The following OR2L13 variants were observed in gnomAD, a reference collection of about 807,000 sequenced individuals.
OR2L13 encodes olfactory receptor family 2 subfamily L member 13.
OR2L13 carries 14 observed loss-of-function variants against 15.3 expected under a neutral mutation model. That is an observed-to-expected ratio of 0.91 (90% CI 0.60 to 1.43). OR2L13 has a LOEUF of 1.43. OR2L13 is among the 40% of genes most tolerant of loss of function. The pLI is 0.00. For synonymous variants in OR2L13, 152 were observed against 142.9 expected (o/e 1.06, Z -0.45); for missense variants, 367 against 387.9 (o/e 0.95, Z 0.45).
the OR2L13 span, among the ~76,000 whole-genome samples, chr1:248,077,813 T>C: frequency 6.6e-6 from 1 of 152,118 alleles, no homozygotes; most frequent in Non-Finnish European, 1.5e-5. Flanking sequence ...TATTTATTAG[T>C]ACATAAAAAC....
chr1:248,098,912 T>C (rs1049273966), intron 2 of OR2L13, 137 bp downstream of exon 2: 1 of 153,878 alleles, frequency 6.5e-6, no homozygotes, highest in African/African-American at 2.4e-5. Flanking sequence ...TAAATAAAAA[T>C]TCCCAAGGAA....
At chr1:248,056,257 G>A in the OR2L13 span, among the ~76,000 whole-genome samples, 1 of 151,800 alleles carries the variant, frequency 6.6e-6, no homozygotes, top group African/African-American at 2.4e-5. Flanking sequence ...GTGCCATGTT[G>A]GTCTTGATAG....
At chr1:248,008,900 A>G in the OR2L13 span, among the ~76,000 whole-genome samples, 1 of 152,174 alleles carries the variant, frequency 6.6e-6, no homozygotes, top group Non-Finnish European at 1.5e-5. Context: ...AAACCACACA[A>G]CTACATGGAA....
chr1:248,067,800 C>T, the OR2L13 span, among the ~76,000 whole-genome samples: 5 of 152,214 alleles, frequency 3.3e-5, no homozygotes, highest in South Asian at 2.1e-4. Flanking sequence ...CCGAATACTG[C>T]GCTTTTCCGA....
At chr1:247,976,351 A>G in the OR2L13 span, among the ~76,000 whole-genome samples, 1 of 152,196 alleles carries the variant, frequency 6.6e-6, no homozygotes, top group Non-Finnish European at 1.5e-5. Context: ...CTCATAAATC[A>G]ACACATCTAT....
chr1:248,022,139 G>T, the OR2L13 span: 1 of 1,613,892 alleles, frequency 6.2e-7, no homozygotes, highest in Non-Finnish European at 8.5e-7. Flanking sequence ...TGCTTAGTCA[G>T]CTCTCCCTCA....
At chr1:248,004,189 A>C in the OR2L13 span, 1 of 785,862 alleles carries the variant, frequency 1.3e-6, no homozygotes, top group Non-Finnish European at 1.9e-6. Flanking sequence ...AGAAGAAAAA[A>C]AAATCACTGA....
At chr1:248,085,410 A>AAAT in the OR2L13 span, among the ~76,000 whole-genome samples, 159 of 92,310 alleles carry the variant, frequency 1.7e-3, no homozygotes, top group African/African-American at 6.8e-3. Flanking sequence ...TAATAAAATA[A>AAAT]AATAAAATAA....
At chr1:247,968,875 G>A in the OR2L13 span, among the ~76,000 whole-genome samples, 138 of 152,244 alleles carry the variant, frequency 9.1e-4, no homozygotes, top group African/African-American at 3.2e-3. Context: ...TGGGATGGCT[G>A]GGTCAGATGG....
At chr1:247,983,356 T>C in the OR2L13 span, among the ~76,000 whole-genome samples, 1 of 152,210 alleles carries the variant, frequency 6.6e-6, no homozygotes, top group East Asian at 1.9e-4. Flanking sequence ...TTGGTTTTCC[T>C]ACTCACTATG....
At chr1:248,067,969 G>C in the OR2L13 span, among the ~76,000 whole-genome samples, 1 of 152,370 alleles carries the variant, frequency 6.6e-6, no homozygotes, top group African/African-American at 2.4e-5. Flanking sequence ...GCCCAGGCTT[G>C]CTTAGGTAAA....
chr1:248,046,648 A>G, the OR2L13 span, among the ~76,000 whole-genome samples: 1 of 152,188 alleles, frequency 6.6e-6, no homozygotes, highest in South Asian at 2.1e-4. Flanking sequence ...CTCACTGGAC[A>G]ATCCCCAGTG....
the OR2L13 span, among the ~76,000 whole-genome samples, chr1:248,067,627 G>A: frequency 0.041 from 6,268 of 152,288 alleles, 429 homozygotes; most frequent in African/African-American, 0.14. Context: ...TCACTAGGGA[G>A]TGCCAGACAG....
chr1:247,945,389 T>C, the OR2L13 span, among the ~76,000 whole-genome samples: 1 of 152,116 alleles, frequency 6.6e-6, no homozygotes, highest in African/African-American at 2.4e-5. Flanking sequence ...TATGGTTTCA[T>C]TTATTTTGTA....
chr1:247,948,703 T>C, the OR2L13 span, among the ~76,000 whole-genome samples: 1 of 152,332 alleles, frequency 6.6e-6, no homozygotes, highest in Non-Finnish European at 1.5e-5. Flanking sequence ...GAAGTATGTA[T>C]AGACAAAAAT....
the OR2L13 span, chr1:248,023,141 G>T: frequency 3.3e-6 from 1 of 299,364 alleles, no homozygotes; most frequent in Non-Finnish European, 6.2e-6. Flanking sequence ...TCATTATCAT[G>T]TATAAATCAA....
chr1:248,074,382 G>T, the OR2L13 span, among the ~76,000 whole-genome samples: 3 of 138,164 alleles, frequency 2.2e-5, no homozygotes, highest in Non-Finnish European at 3.0e-5. Context: ...GGTAAAATGT[G>T]TTAAAAAAAA....
chr1:247,970,387 C>T, the OR2L13 span, among the ~76,000 whole-genome samples: 11,581 of 152,074 alleles, frequency 0.076, 959 homozygotes, highest in African/African-American at 0.21. Context: ...AGATCACCTT[C>T]GCTTTCATAT....
chr1:248,039,147 A>G, the OR2L13 span: 3 of 1,613,772 alleles, frequency 1.9e-6, no homozygotes, highest in Non-Finnish European at 2.5e-6. Context: ...CCTGAGAAAC[A>G]AGGAGGTGAT....
Sources: gnomAD v4.1 joint callset for allele counts (sites outside exome capture counted in the v4.1 genomes callset) on GRCh38, gnomAD v4.1.1 for gene constraint, MANE v1.5 for transcripts, NCBI Gene and HGNC (gene_info 2026-07-23, HGNC 2026-07-21) for gene names.